Variants in NALCN observed in about 807,000 individuals in gnomAD.
The protein encoded by NALCN is sodium leak channel, non-selective.
A neutral mutation model predicts 225.3 loss-of-function variants in NALCN; 111 were observed. The ratio of observed to expected loss-of-function variants is 0.49; its 90% CI spans 0.42 to 0.58. The LOEUF (loss-of-function observed/expected upper bound fraction) is 0.58. Ranked by LOEUF, NALCN falls within the 20% of genes least tolerant of loss-of-function variation. The probability of loss-of-function intolerance (pLI) is 0.00; values close to 1 mark genes in which losing one functional copy is unlikely to be tolerated. For missense variants in NALCN, 1,378 were observed against 2,202.4 expected (o/e 0.63, Z 7.49); for synonymous variants, 764 against 769.0 (o/e 0.99, Z 0.11).
intron 26 of NALCN, among the ~76,000 whole-genome samples, chr13:101,101,480 C>A (rs887472960): frequency 6.6e-6 from 1 of 152,008 alleles, no homozygotes; most frequent in African/African-American, 2.4e-5. Context: ...AGGGTTTCAT[C>A]ATATTGGTCA....
In NALCN at chr13:101,055,092, A is replaced by C. The variant is rs1393891391; in HGVS notation, c.*203T>G. The C allele has an allele frequency of 1.8e-6, 1 of 559,068 alleles. No individual in the cohort carries two copies. Among genetic ancestry groups the C allele is most frequent in the African/African-American group, 1.9e-5 (1 of 53,100 alleles). 34.6% of individuals were successfully genotyped at this position (559,068 alleles called of 1,614,324 possible). Reference sequence around the variant, plus strand: ...TATTATCAGTACTGTCATTATACAAAAATTTTTTTGAGCAATGATTGATAG... The same window carrying C: ...TATTATCAGTACTGTCATTATACAACAATTTTTTTGAGCAATGATTGATAG... On this transcript the variant is annotated 3_prime_UTR_variant, in exon 44 of 44. Transcript: ENST00000251127.
At chr13:101,360,181 CCTCTCTTCCTCT>C (rs2046201968) in intron 6 of NALCN, among the ~76,000 whole-genome samples, 1 of 79,522 alleles carries the variant, frequency 1.3e-5, no homozygotes, top group African/African-American at 4.2e-5. Context: ...TTCCTCTCTT[CCTCTCTTCCTCT>C]CTCTCTCTCT....
chr13:101,400,168 A>G (rs945387154), intron 1 of NALCN, among the ~76,000 whole-genome samples: 2 of 152,162 alleles, frequency 1.3e-5, no homozygotes, highest in Non-Finnish European at 2.9e-5. Flanking sequence ...ACAAAAAACA[A>G]AAAACTCATC....
intron 15 of NALCN, 52 bp downstream of exon 15, chr13:101,176,248 T>C: frequency 7.3e-7 from 1 of 1,371,270 alleles, no homozygotes; most frequent in Non-Finnish European, 9.8e-7. Flanking sequence ...AGCAAATGGT[T>C]TGCCCCTGGT....
At chr13:101,291,700 A>T (rs902776863) in intron 9 of NALCN, among the ~76,000 whole-genome samples, 1 of 152,176 alleles carries the variant, frequency 6.6e-6, no homozygotes, top group African/African-American at 2.4e-5. Flanking sequence ...AGCTCATGCC[A>T]CTACTCTTGG....
chr13:101,179,928 G>A, intron 14 of NALCN, among the ~76,000 whole-genome samples: 1 of 152,038 alleles, frequency 6.6e-6, no homozygotes, highest in East Asian at 1.9e-4. Flanking sequence ...CCCTCGGCTT[G>A]TGGCTTTGTT....
chr13:101,114,733 A>G (rs763996902), intron 18 of NALCN, among the ~76,000 whole-genome samples: 1 of 152,178 alleles, frequency 6.6e-6, no homozygotes, highest in Non-Finnish European at 1.5e-5. Context: ...TGTTGTTTAA[A>G]TCACTTAAGT....
At position 101,262,367 on chromosome 13, in the gene NALCN, G is replaced by T. The variant is rs113037874; in HGVS notation, c.1135-3793C>A. On this transcript the variant is annotated intron_variant, in intron 10 of 43. Coordinates refer to ENST00000251127, the MANE Select transcript of NALCN (RefSeq NM_052867.4). Reference sequence around the variant, plus strand: ...CATTCTGGGGCCCGCTGCCCACTGTGGGGTAGAGAATACTTAAATGGAGAG... The same window carrying T: ...CATTCTGGGGCCCGCTGCCCACTGTTGGGTAGAGAATACTTAAATGGAGAG... 2.7e-3 allele frequency among the ~76,000 whole-genome samples: 412 copies of T among 152,216 alleles called. 2 individuals are homozygous for T. Among genetic ancestry groups the T allele is most frequent in the African/African-American group, 9.1e-3 (379 of 41,512 alleles).
In NALCN at chr13:101,111,182, T is replaced by C. The variant is rs1282164593; in HGVS notation, c.2237A>G (p.Gln746Arg). The C allele has an allele frequency of 1.2e-6, 2 of 1,608,828 alleles. No individual in the cohort carries two copies. The highest frequency in any genetic ancestry group is 1.7e-6 in the Non-Finnish European group (2 of 1,176,258). Residue 746 changes from glutamine (Q) to arginine (R), a missense_variant, in exon 19 of 44, where the codon CAG becomes CGG. Gln to Arg is a conservative substitution (Grantham distance 43, BLOSUM62 1). This residue lies in a region of NALCN where 66 missense variants were observed against 85.7 expected (regional missense o/e 0.77). Coordinates refer to ENST00000251127, the MANE Select transcript of NALCN (RefSeq NM_052867.4). ...GAGGATTGACCTCTCCTTTGCGGGC[T>C]GCCCCTCAAATGATCCGCTCAGCAT... ...QRMLSGSFEGQPAKERSILSV... is the reference protein window; with the variant it reads ...QRMLSGSFEGRPAKERSILSV...
chr13:101,074,531 A>G lies in NALCN; in HGVS notation c.4086T>C (p.Tyr1362=), dbSNP rs756686106. ...ATACCAACCTGTTAATATTCTCCCC[A>G]TATTTCACAGTACCAAATAAAACAA... ...AGVVLFGTVK[Y]GENINRHANF... is the part of the protein sequence containing the mutation. Residue 1362 remains tyrosine (Y), a synonymous_variant, in exon 36 of 44, where the codon TAT becomes TAC. Coordinates refer to ENST00000251127, the MANE Select transcript of NALCN (RefSeq NM_052867.4). 2 of 1,610,760 alleles carry G rather than the reference A, an allele frequency of 1.2e-6. No homozygotes were observed. Among genetic ancestry groups the G allele is most frequent in the Non-Finnish European group, 1.7e-6 (2 of 1,179,338 alleles).
In NALCN at chr13:101,262,787, C is replaced by T. The variant is rs115498901; in HGVS notation, c.1135-4213G>A. ...TGCTCTGGGCCAAACTGCCTGGAGC[C>T]GTAACTCCACCACTTACTGGCACTG... On this transcript the variant is annotated intron_variant, in intron 10 of 43. Transcript: ENST00000251127. 7.0e-4 allele frequency among the ~76,000 whole-genome samples: 106 copies of T among 152,210 alleles called. 1 individual carries two copies. Among genetic ancestry groups the T allele is most frequent in the African/African-American group, 2.4e-3 (99 of 41,532 alleles).
chr13:101,150,581 T>C (rs1403370594), intron 15 of NALCN, among the ~76,000 whole-genome samples: 1 of 152,184 alleles, frequency 6.6e-6, no homozygotes, highest in Non-Finnish European at 1.5e-5. Flanking sequence ...GTGACCATGA[T>C]ACACAAAGTA....
chr13:101,134,127 G>A (rs1334433962), intron 17 of NALCN, among the ~76,000 whole-genome samples: 2 of 152,036 alleles, frequency 1.3e-5, no homozygotes, highest in Non-Finnish European at 2.9e-5. Context: ...CTGAGATCGC[G>A]CCACTGCACT....
intron 6 of NALCN, among the ~76,000 whole-genome samples, chr13:101,364,548 G>A (rs1008252540): frequency 6.6e-6 from 1 of 152,132 alleles, no homozygotes; most frequent in African/African-American, 2.4e-5. Context: ...TATGAAGATA[G>A]AAAGTAGATT....
intron 18 of NALCN, chr13:101,116,318 A>G (rs1489052362): frequency 5.9e-6 from 1 of 169,196 alleles, no homozygotes; most frequent in Admixed American, 6.0e-5. Context: ...ACAGCCATAT[A>G]TATATATATA....
At chr13:101,207,180 C>T (rs922800188) in intron 13 of NALCN, among the ~76,000 whole-genome samples, 1 of 152,124 alleles carries the variant, frequency 6.6e-6, no homozygotes, top group East Asian at 1.9e-4. Context: ...TAATAAAAAA[C>T]CAATTCTCAG....
chr13:101,083,713 G>A lies in NALCN; in HGVS notation c.3581C>T (p.Pro1194Leu), dbSNP rs2033783880. 1.9e-6 allele frequency: 3 copies of A among 1,613,216 alleles called. No individual in the cohort carries two copies. Among genetic ancestry groups the A allele is most frequent in the Non-Finnish European group, 2.5e-6 (3 of 1,179,366 alleles). Residue 1194 changes from proline to leucine, a missense_variant and splice_region_variant, in exon 31 of 44, where the codon CCG (proline) becomes CTG (leucine). By Grantham distance (98) the Pro-to-Leu change is moderately conservative. Coordinates refer to ENST00000251127, the MANE Select transcript of NALCN (RefSeq NM_052867.4). ...TAAAATCAGAGCATTTTGGGTACCCGGGCGAGGCGGAAGATGAAGAGGCTG... is the reference window on the plus strand; with the variant it reads ...TAAAATCAGAGCATTTTGGGTACCCAGGCGAGGCGGAAGATGAAGAGGCTG... ...IAQPLHLPPR[P>L]DNDGFRAKMY... is the part of the protein sequence containing the mutation.
chr13:101,073,741 G>A (rs2033062564), intron 36 of NALCN, 64 bp from the exon 37 acceptor site: 1 of 1,418,584 alleles, frequency 7.0e-7, no homozygotes. Flanking sequence ...GAAATAGCAT[G>A]GTTTGCCAAC....
chr13:101,104,765 T>C lies in NALCN; in HGVS notation c.2637-115A>G, dbSNP rs866738840. 2.6e-6 allele frequency: 4 copies of C among 1,550,262 alleles called. No individual in the cohort carries two copies. Among genetic ancestry groups the C allele is most frequent in the Middle Eastern group, 1.7e-4 (1 of 5,870 alleles). ...CATGACTGGTATTTTAAAAACATCA[T>C]TCCCCAATCATCTATTTCATAGCAC... On this transcript the variant is annotated intron_variant, in intron 23 of 43. Transcript: ENST00000251127. The surrounding 1 kb of genome is among the most constrained non-coding windows in gnomAD (Gnocchi z 4.2).
Sources: gnomAD v4.1 joint callset for allele counts (sites outside exome capture counted in the v4.1 genomes callset) on GRCh38, gnomAD v4.1.1 for gene constraint, gnomAD v4.1.1 regional missense constraint, Gnocchi (gnomAD v3.1) non-coding constraint, MANE v1.5 for transcripts, NCBI Gene and HGNC (gene_info 2026-07-23, HGNC 2026-07-21) for gene names.